DNAH10: variants seen among roughly 807,000 people sequenced by gnomAD.
DNAH10 encodes the protein dynein axonemal heavy chain 10.
DNAH10 carries 348 observed loss-of-function variants against 506.6 expected under a neutral mutation model. That is an observed-to-expected ratio of 0.69 (90% CI 0.63 to 0.75). The LOEUF (loss-of-function observed/expected upper bound fraction) is 0.75. Among genes scored for constraint, DNAH10 ranks in the 30% least tolerant of loss-of-function variants. The probability of loss-of-function intolerance (pLI) is 0.00; values close to 1 mark genes in which losing one functional copy is unlikely to be tolerated. For missense variants in DNAH10, 5,179 were observed against 5,787.1 expected, an observed-to-expected ratio of 0.89 and a Z score of 3.41; for synonymous variants, 2,059 against 2,198.6, an observed-to-expected ratio of 0.94 and a Z score of 1.78.
rs375566873 is a variant in DNAH10, at chr12:123,881,760, G to A, written c.8770G>A (p.Gly2924Ser). ...RGHALLVGVG[G>S]SGKQSLSRLA... ...CCACGCCCTGCTGGTCGGGGTAGGG[G>A]GCTCAGGGAAGCAGTCTCTTTCGAG... Residue 2924 changes from glycine to serine, a missense_variant, in exon 51 of 79, where the codon GGC (glycine) becomes AGC (serine). Transcript: ENST00000673944. 7.0e-5 allele frequency: 108 copies of A among 1,538,402 alleles called. No individual in the cohort carries two copies. The highest frequency in any genetic ancestry group is 9.0e-5 in the Non-Finnish European group (103 of 1,140,692).
At chr12:123,893,479 CAG>C (rs1314298476) in intron 53 of DNAH10, 43 bp downstream of exon 53, 3 of 1,607,972 alleles carry the variant, frequency 1.9e-6, no homozygotes, top group Middle Eastern at 2.3e-4. Flanking sequence ...CCTGCTTTGG[CAG>C]AGTGTGTGGC....
Position 123,925,444 on chromosome 12 carries a change from A to G in DNAH10, c.11921+240A>G, listed in dbSNP as rs1954901949. On this transcript the variant is annotated intron_variant, in intron 68 of 78. Coordinates refer to ENST00000673944, the MANE Select transcript of DNAH10 (RefSeq NM_001372106.1). This position sits in a 1 kb window ranked among gnomAD's most constrained non-coding sequence, Gnocchi z 4.0. ...TCGAAAGTTCTAGTAGCTACATTAGAAAAGAAATGGGCGCAATTAATTGTA... is the reference window on the plus strand; with the variant it reads ...TCGAAAGTTCTAGTAGCTACATTAGGAAAGAAATGGGCGCAATTAATTGTA... 2 of 412,454 alleles carry G rather than the reference A, an allele frequency of 4.8e-6. No homozygotes were observed. Among genetic ancestry groups the G allele is most frequent in the South Asian group, 9.4e-5 (1 of 10,644 alleles). The allele number at this position is 412,454 out of a possible 1,614,324, so 25.5% of individuals were successfully genotyped here. A position where few individuals can be genotyped will look rare whatever the true frequency, so the allele number is the denominator to read the frequency against.
chr12:123,843,651 T>A (rs1033891671), intron 30 of DNAH10, among the ~76,000 whole-genome samples: 11 of 152,286 alleles, frequency 7.2e-5, no homozygotes, highest in African/African-American at 2.6e-4. Flanking sequence ...TATCTCGGCT[T>A]ACTACAACCT....
intron 46 of DNAH10, among the ~76,000 whole-genome samples, chr12:123,874,630 T>C (rs1355074683): frequency 6.6e-6 from 1 of 151,886 alleles, no homozygotes; most frequent in East Asian, 1.9e-4. Context: ...CATCCATCCA[T>C]CCATCCATTC....
intron 2 of DNAH10, among the ~76,000 whole-genome samples, chr12:123,770,840 T>C (rs1002694729): frequency 6.6e-6 from 1 of 152,140 alleles, no homozygotes; most frequent in African/African-American, 2.4e-5. Context: ...CTGCTGAGGT[T>C]TCTGAATCTG....
chr12:123,858,319 TG>T (rs1449977135), intron 37 of DNAH10, among the ~76,000 whole-genome samples: 3 of 152,162 alleles, frequency 2.0e-5, no homozygotes, highest in South Asian at 2.1e-4. Flanking sequence ...CCTCCAGACC[TG>T]GGGGGTTGCC....
Position 123,918,750 on chromosome 12 carries a change from A to G in DNAH10, c.11307A>G (p.Ala3769=), listed in dbSNP as rs1954598418. The G allele has an allele frequency of 6.2e-7, 1 of 1,607,474 alleles. No homozygotes were observed. Among genetic ancestry groups the G allele is most frequent in the Non-Finnish European group, 8.5e-7 (1 of 1,175,060 alleles). ...IDRLRDGYRP[A]ARRGAILFFV... is the part of the protein sequence containing the mutation. ...GGCTGCGGGATGGCTACCGGCCAGCAGCCAGGAGGGGGGCCATCCTGTTCT... is the reference window on the plus strand; with the variant it reads ...GGCTGCGGGATGGCTACCGGCCAGCGGCCAGGAGGGGGGCCATCCTGTTCT... Residue 3769 remains alanine (A), a synonymous_variant, in exon 65 of 79, where the codon GCA becomes GCG. Coordinates refer to ENST00000673944, the MANE Select transcript of DNAH10 (RefSeq NM_001372106.1).
At chr12:123,931,286 T>C in intron 73 of DNAH10, 55 bp from the exon 74 acceptor site, 1 of 1,599,558 alleles carries the variant, frequency 6.3e-7, no homozygotes, top group Non-Finnish European at 8.5e-7. Context: ...CTGTGGGCCC[T>C]GAGAAAGCAC....
rs1448330092 is a variant in DNAH10 at position 123,916,275 on chromosome 12, G to A, written c.10723-182G>A. Among the ~76,000 whole-genome samples the A allele has an allele frequency of 6.6e-6, 1 of 152,138 alleles. No individual in the cohort carries two copies. The highest frequency in any genetic ancestry group is 1.5e-5 in the Non-Finnish European group (1 of 68,022). On this transcript the variant is annotated intron_variant, in intron 62 of 78. Transcript: ENST00000673944. This position sits in a 1 kb window ranked among gnomAD's most constrained non-coding sequence, Gnocchi z 4.6. ...CTCTACCCTGTTTGAGCAAGATCCT[G>A]CCCTGAGCCTGGACCTCATGGTGTA...
chr12:123,857,062 G>GTGT lies in DNAH10; in HGVS notation c.6447_6448insTTG (p.Leu2150dup). 1 of 1,609,762 alleles carries GTGT rather than the reference G, an allele frequency of 6.2e-7. No individual in the cohort carries two copies. The highest frequency in any genetic ancestry group is 8.5e-7 in the Non-Finnish European group (1 of 1,178,106). On this transcript the variant is annotated inframe_insertion, in exon 37 of 79. Coordinates refer to ENST00000673944, the MANE Select transcript of DNAH10 (RefSeq NM_001372106.1). Reference sequence around the variant, plus strand: ...TGTGTTTCATTTCCTGCAGGACGTGGTGCTGATGAGGGCCTTGCGAGACAT... The same window carrying GTGT: ...TGTGTTTCATTTCCTGCAGGACGTGGTGTTGCTGATGAGGGCCTTGCGAGACAT...
intron 54 of DNAH10, among the ~76,000 whole-genome samples, chr12:123,895,766 C>T (rs1246870165): frequency 6.6e-6 from 1 of 152,106 alleles, no homozygotes; most frequent in Non-Finnish European, 1.5e-5. Context: ...AGTGATTCAG[C>T]ATCATAAATA....
intron 4 of DNAH10, among the ~76,000 whole-genome samples, chr12:123,773,169 C>A (rs1957321918): frequency 6.6e-6 from 1 of 152,208 alleles, no homozygotes; most frequent in African/African-American, 2.4e-5. Context: ...TGCATGTCTG[C>A]ACATATTTGG....
chr12:123,853,209 C>G lies in DNAH10; in HGVS notation c.6295C>G (p.Leu2099Val), dbSNP rs1951243624. Residue 2099 changes from leucine (L) to valine (V), a missense_variant, in exon 36 of 79, where the codon CTG (leucine) becomes GTG (valine). Physicochemically the swap from Leu to Val is conservative, Grantham distance 32. Transcript: ENST00000673944. This position sits in a 1 kb window ranked among gnomAD's most constrained non-coding sequence, Gnocchi z 4.7. Reference protein sequence around the residue: ...FSEGFLEAKTLAKKMTVLYKL... With the variant: ...FSEGFLEAKTVAKKMTVLYKL... The stretch of plus-strand genomic sequence containing the variant: ...ATTATTATCTTCTATCAAAAAGACT[C>G]TGGCGAAAAAGATGACGGTTCTGTA... 1 of 1,594,210 alleles carries G rather than the reference C, an allele frequency of 6.3e-7. No individual in the cohort carries two copies. Among genetic ancestry groups the G allele is most frequent in the Non-Finnish European group, 8.5e-7 (1 of 1,169,842 alleles).
At chr12:123,852,409 G>A (rs1457552060) in intron 35 of DNAH10, among the ~76,000 whole-genome samples, 1 of 152,050 alleles carries the variant, frequency 6.6e-6, no homozygotes, top group East Asian at 1.9e-4. Context: ...GTCTTTTATT[G>A]AAAGCTCTTG....
At chr12:123,887,107 T>C in intron 51 of DNAH10, 35 bp from the exon 52 acceptor site, 1 of 1,559,070 alleles carries the variant, frequency 6.4e-7, no homozygotes, top group East Asian at 2.3e-5. Context: ...AGGCTGGTGG[T>C]GGTGACGCCC....
chr12:123,930,042 A>C, intron 72 of DNAH10: 2 of 553,362 alleles, frequency 3.6e-6, no homozygotes, highest in Non-Finnish European at 6.4e-6. Flanking sequence ...CACAGGAAGC[A>C]TCCCCGGTGG....
At chr12:123,796,871 G>C in intron 13 of DNAH10, 39 bp downstream of exon 13, 1 of 1,421,058 alleles carries the variant, frequency 7.0e-7, no homozygotes, top group Non-Finnish European at 9.5e-7. Context: ...TTTTGTATTT[G>C]ATTTTTTTTT....
chr12:123,898,900 C>G (rs1174879499), intron 56 of DNAH10, 86 bp downstream of exon 56: 9 of 1,468,600 alleles, frequency 6.1e-6, no homozygotes, highest in Non-Finnish European at 8.1e-6. Flanking sequence ...GGCAGCCCAT[C>G]CCGAGCAGGA....
intron 26 of DNAH10, 102 bp downstream of exon 26, chr12:123,830,801 T>A: frequency 9.2e-7 from 1 of 1,092,050 alleles, no homozygotes; most frequent in Non-Finnish European, 1.3e-6. Flanking sequence ...AAAAATTAGC[T>A]GAGCGTGGTG....
Sources: gnomAD v4.1 joint callset for allele counts (sites outside exome capture counted in the v4.1 genomes callset) on GRCh38, gnomAD v4.1.1 for gene constraint, Gnocchi (gnomAD v3.1) non-coding constraint, MANE v1.5 for transcripts, NCBI Gene and HGNC (gene_info 2026-07-23, HGNC 2026-07-21) for gene names.